The following ASB5 variants were observed in gnomAD, a reference collection of about 807,000 sequenced individuals.
ASB5 encodes the protein ankyrin repeat and SOCS box containing 5, also known as ankyrin repeat and SOCS box protein 5.
In ASB5, 45 loss-of-function variants were observed where a neutral mutation model predicts 42.1. That is an observed-to-expected ratio of 1.07 (90% CI 0.84 to 1.37). The LOEUF (loss-of-function observed/expected upper bound fraction) is 1.37. Ranked by LOEUF, ASB5 falls within the 40% of genes most tolerant of loss-of-function variation. The pLI is 0.00. For missense variants in ASB5, 402 were observed against 399.8 expected, an observed-to-expected ratio of 1.01 and a Z score of -0.05; for synonymous variants, 147 against 150.6, an observed-to-expected ratio of 0.98 and a Z score of 0.18.
rs561441145 is a variant in ASB5, at chr4:176,249,409, A to G, written c.196+19504T>C. 3.9e-5 allele frequency: 6 copies of G among 152,344 alleles called. No individual in the cohort carries two copies. In the East Asian group the frequency reaches 1.2e-3, roughly 29 times the overall value. 9.4% of individuals were successfully genotyped at this position (152,344 alleles called of 1,614,324 possible). A position where few individuals can be genotyped will look rare whatever the true frequency, so the allele number is the denominator to read the frequency against. ...GGTAAAAAGATTTTAAAATAGAGGC[A>G]GAGGTTAACAGAAAATGCGACACTC... On this transcript the variant is annotated intron_variant, in intron 1 of 6. Transcript: ENST00000296525.
At chr4:176,237,076 G>A (rs1170016556) in intron 1 of ASB5, among the ~76,000 whole-genome samples, 1 of 152,178 alleles carries the variant, frequency 6.6e-6, no homozygotes, top group Non-Finnish European at 1.5e-5. Flanking sequence ...CTAAGAGTTT[G>A]CAGTCATGTT....
At chr4:176,215,820 G>A in intron 6 of ASB5, 93 bp from the exon 7 acceptor site, 1 of 1,267,950 alleles carries the variant, frequency 7.9e-7, no homozygotes, top group South Asian at 1.6e-5. Context: ...AAACTACAAT[G>A]CTTTGTAGTA....
At chr4:176,219,584 ATATATATAT>A (rs1561251295) in intron 5 of ASB5, among the ~76,000 whole-genome samples, 13,015 of 49,028 alleles carry the variant, frequency 0.27, 4,591 homozygotes, top group Non-Finnish European at 0.32. Context: ...TGATATATAT[ATATATATAT>A]ATATATATAT....
At chr4:176,255,751 C>G (rs1289824890) in intron 1 of ASB5, among the ~76,000 whole-genome samples, 1 of 152,194 alleles carries the variant, frequency 6.6e-6, no homozygotes, top group African/African-American at 2.4e-5. Flanking sequence ...AAACTAACTA[C>G]TGGGTATTAT....
intron 1 of ASB5, chr4:176,277,185 G>C (rs1754576727): frequency 2.0e-5 from 3 of 152,312 alleles, no homozygotes; most frequent in Admixed American, 2.0e-4. Flanking sequence ...TTCAAAAACA[G>C]TAAACAAACC....
chr4:176,231,659 CAAAAAA>C (rs11362445), intron 1 of ASB5, among the ~76,000 whole-genome samples: 1 of 101,904 alleles, frequency 9.8e-6, no homozygotes. Flanking sequence ...CTTGTCTCTG[CAAAAAA>C]AAAAAAAAAA....
rs1491319072 is a variant in ASB5 at position 176,218,223 on chromosome 4, A to AT, written c.671-1215_671-1214insA. On this transcript the variant is annotated intron_variant, in intron 5 of 6. Transcript: ENST00000296525. Reference sequence around the variant, plus strand: ...ATAAATATATATATTTGTATGATATAAATATATATATATTTGTATGATATA... The same window carrying AT: ...ATAAATATATATATTTGTATGATATATAATATATATATATTTGTATGATATA... 6.2e-4 allele frequency among the ~76,000 whole-genome samples: 30 copies of AT among 48,680 alleles called. 2 individuals carry two copies. Among genetic ancestry groups the AT allele is most frequent in the East Asian group, 1.2e-3 (3 of 2,606 alleles). 31.9% of individuals were successfully genotyped at this position (48,680 alleles called of 152,430 possible).
chr4:176,231,563 C>T (rs761342663), intron 1 of ASB5, among the ~76,000 whole-genome samples: 5 of 149,788 alleles, frequency 3.3e-5, no homozygotes, highest in Non-Finnish European at 7.4e-5. Flanking sequence ...TGGCTTATGC[C>T]TGTAACCCCA....
chr4:176,234,036 T>C (rs921796114), intron 1 of ASB5, among the ~76,000 whole-genome samples: 1 of 152,126 alleles, frequency 6.6e-6, no homozygotes, highest in Admixed American at 6.6e-5. Context: ...TATCCAAACT[T>C]TGTATCTCAG....
chr4:176,219,256 T>C (rs1350941508), intron 5 of ASB5, among the ~76,000 whole-genome samples: 24 of 113,806 alleles, frequency 2.1e-4, no homozygotes, highest in South Asian at 2.6e-4. Flanking sequence ...ATATGTATGA[T>C]ATATAAATAT....
chr4:176,259,496 C>T (rs1012964544), intron 1 of ASB5, among the ~76,000 whole-genome samples: 21 of 152,136 alleles, frequency 1.4e-4, no homozygotes, highest in Admixed American at 1.1e-3. Context: ...CCAAAGTCAC[C>T]GCTGTTTCCA....
chr4:176,219,754 A>T (rs1753148400), intron 5 of ASB5, among the ~76,000 whole-genome samples: 1 of 150,858 alleles, frequency 6.6e-6, no homozygotes, highest in Non-Finnish European at 1.5e-5. Context: ...TTTAATAGAG[A>T]CAGGGTTTCA....
chr4:176,221,742 C>T (rs1193978552), intron 3 of ASB5, 142 bp from the exon 4 acceptor site: 5 of 766,898 alleles, frequency 6.5e-6, no homozygotes, highest in African/African-American at 1.8e-5. Context: ...GTATACTTTG[C>T]TCTTATGCAT....
At position 176,245,672 on chromosome 4, in the gene ASB5, A is replaced by G. The variant is rs185392052; in HGVS notation, c.197-20331T>C. 3.7e-4 allele frequency among the ~76,000 whole-genome samples: 56 copies of G among 152,338 alleles called. No individual in the cohort carries two copies. The East Asian group carries it at 7.9e-3, about 21-fold the overall frequency. ...CAAATGTCCATCAATGACAGACTGG[A>G]TTAAGAAAATGTGGCACATATACAC... On this transcript the variant is annotated intron_variant, in intron 1 of 6. Coordinates refer to ENST00000296525, the MANE Select transcript of ASB5 (RefSeq NM_080874.4).
chr4:176,246,578 C>T (rs1753917024), intron 1 of ASB5, among the ~76,000 whole-genome samples: 1 of 152,136 alleles, frequency 6.6e-6, no homozygotes. Context: ...TGAACTACAC[C>T]AATAATGATA....
chr4:176,218,923 T>C (rs1268857044), intron 5 of ASB5, among the ~76,000 whole-genome samples: 1 of 39,022 alleles, frequency 2.6e-5, no homozygotes, highest in Non-Finnish European at 4.5e-5. Context: ...TATATATTTG[T>C]ATGATATATA....
In ASB5 at chr4:176,219,460, T is replaced by TATATATTTGTATGATATATAA. The variant is rs1343395663; in HGVS notation, c.670+1694_670+1695insTTATATATCATACAAATATAT. Among the ~76,000 whole-genome samples, 200 of 61,550 alleles carry TATATATTTGTATGATATATAA rather than the reference T, an allele frequency of 3.2e-3. 61 individuals are homozygous for TATATATTTGTATGATATATAA. Among genetic ancestry groups the TATATATTTGTATGATATATAA allele is most frequent in the Middle Eastern group, 0.024 (1 of 42 alleles). 40.4% of individuals were successfully genotyped at this position (61,550 alleles called of 152,430 possible). On this transcript the variant is annotated intron_variant, in intron 5 of 6. Coordinates refer to ENST00000296525, the MANE Select transcript of ASB5 (RefSeq NM_080874.4). ...TATATATATTTGTATGATATATAAA[T>TATATATTTGTATGATATATAA]ATATATATTTGTATGATATATAAAT...
chr4:176,226,722 T>C (rs1285005125), intron 1 of ASB5, among the ~76,000 whole-genome samples: 2 of 152,190 alleles, frequency 1.3e-5, no homozygotes, highest in South Asian at 2.1e-4. Context: ...CTCAATTTTG[T>C]TTTGTCCCTT....
intron 1 of ASB5, among the ~76,000 whole-genome samples, chr4:176,243,705 T>C (rs1453937179): frequency 1.3e-5 from 2 of 152,128 alleles, no homozygotes; most frequent in Admixed American, 6.6e-5. Flanking sequence ...GGTTTCACCA[T>C]GTTGCCCAGG....
Sources: allele counts gnomAD v4.1 joint callset (sites outside exome capture counted in the v4.1 genomes callset), GRCh38; gene constraint gnomAD v4.1.1; transcripts MANE v1.5; gene names NCBI Gene and HGNC (gene_info 2026-07-23, HGNC 2026-07-21).